The following ZNF491 variants were observed in gnomAD, a reference collection of about 807,000 sequenced individuals.
ZNF491 encodes the protein zinc finger protein 491.
In ZNF491, 22 loss-of-function variants were observed where a neutral mutation model predicts 34.7. The observed-to-expected ratio is 0.63, with a 90% CI of 0.45 to 0.90. The LOEUF is 0.90. Among genes scored for constraint, ZNF491 ranks in the 40% least tolerant of loss-of-function variants. The pLI is 0.00. For synonymous variants in ZNF491, 148 were observed against 174.3 expected (o/e 0.85, Z 1.19); for missense variants, 559 against 531.7 (o/e 1.05, Z -0.51).
Position 11,806,744 on chromosome 19 carries a change from T to C in ZNF491, c.791T>C (p.Met264Thr). 1 of 1,613,496 alleles carries C rather than the reference T, an allele frequency of 6.2e-7. No individual in the cohort carries two copies. The highest frequency in any genetic ancestry group is 8.5e-7 in the Non-Finnish European group (1 of 1,179,820). ...ATAAGCTTTCGAAGACACATGAGAATGCACACTGGAGAGAGGCCTCATAAA... is the reference window on the plus strand; with the variant it reads ...ATAAGCTTTCGAAGACACATGAGAACGCACACTGGAGAGAGGCCTCATAAA... ...RLISFRRHMR[M>T]HTGERPHKCK... Residue 264 changes from methionine (M) to threonine (T), a missense_variant, in exon 3 of 3, where the codon ATG becomes ACG. Physicochemically the swap from Met to Thr is moderately conservative, Grantham distance 81. Transcript: ENST00000323169.
intron 2 of ZNF491, 39 bp downstream of exon 2, chr19:11,804,706 A>G: frequency 9.2e-7 from 1 of 1,082,808 alleles, no homozygotes; most frequent in Non-Finnish European, 1.2e-6. Flanking sequence ...TGAATTGTAG[A>G]ACATATGTTT....
In ZNF491 at chr19:11,806,621, C is replaced by T. The variant is rs565505366; in HGVS notation, c.668C>T (p.Ala223Val). 5.8e-5 allele frequency: 94 copies of T among 1,613,960 alleles called. No homozygotes were observed. In the South Asian group the frequency reaches 8.2e-4, roughly 14 times the overall value. ...TACAAATGTAAGGAATGTGGGAAAG[C>T]CTTCAATTGTCCCAGTTCTTTTCAC... Reference protein sequence around the residue: ...KPYKCKECGKAFNCPSSFHRH... With the variant: ...KPYKCKECGKVFNCPSSFHRH... The change falls in exon 3 of 3, where the codon GCC becomes GTC. Residue 223 changes from alanine (A) to valine (V), a missense_variant. Transcript: ENST00000323169.
intron 1 of ZNF491, among the ~76,000 whole-genome samples, chr19:11,800,724 A>AT (rs1450305821): frequency 6.6e-6 from 1 of 152,040 alleles, no homozygotes; most frequent in African/African-American, 2.4e-5. Context: ...GAAAGAAAAC[A>AT]TTTTTTAAAA....
chr19:11,801,411 C>T (rs1312217953), intron 1 of ZNF491, among the ~76,000 whole-genome samples: 1 of 152,052 alleles, frequency 6.6e-6, no homozygotes, highest in East Asian at 1.9e-4. Context: ...AATCTCAGCA[C>T]TTTGGGAGGC....
chr19:11,802,517 T>A (rs760260381), intron 1 of ZNF491, among the ~76,000 whole-genome samples: 2 of 152,230 alleles, frequency 1.3e-5, no homozygotes, highest in Non-Finnish European at 2.9e-5. Flanking sequence ...TCACATTACC[T>A]TTTTGTTAAG....
chr19:11,805,404 C>A (rs180724354), intron 2 of ZNF491, among the ~76,000 whole-genome samples: 5 of 123,356 alleles, frequency 4.1e-5, no homozygotes, highest in African/African-American at 1.3e-4. Context: ...AGCAAAACTC[C>A]GTCTCAAAAA....
At chr19:11,800,661 C>G (rs1975549033) in intron 1 of ZNF491, among the ~76,000 whole-genome samples, 1 of 152,008 alleles carries the variant, frequency 6.6e-6, no homozygotes, top group Non-Finnish European at 1.5e-5. Flanking sequence ...GCTGGGATTA[C>G]AGGCATGTGC....
chr19:11,803,280 G>C (rs8103944), intron 1 of ZNF491, among the ~76,000 whole-genome samples: 47,301 of 151,988 alleles, frequency 0.31, 11,088 homozygotes, highest in African/African-American at 0.66. Context: ...ACCATACCTG[G>C]CCATAAATTT....
chr19:11,803,052 G>T (rs1172227577), intron 1 of ZNF491, among the ~76,000 whole-genome samples: 1 of 150,906 alleles, frequency 6.6e-6, no homozygotes, highest in Non-Finnish European at 1.5e-5. Context: ...CTCTCTCTTG[G>T]CTCACTGCAA....
At chr19:11,799,502 C>CTTT (rs34472985) in intron 1 of ZNF491, among the ~76,000 whole-genome samples, 130 of 109,080 alleles carry the variant, frequency 1.2e-3, no homozygotes, top group South Asian at 3.2e-3. Flanking sequence ...CCCCATAGAG[C>CTTT]TTTTTTTTTT....
Position 11,807,199 on chromosome 19 carries a change from T to C in ZNF491, c.1246T>C (p.Cys416Arg). Reference protein sequence around the residue: ...TGEKPYQCKECGKAFIRSSYC... With the variant: ...TGEKPYQCKERGKAFIRSSYC... ...AGAGAAACCTTACCAATGTAAGGAA[T>C]GTGGGAAAGCCTTCATTCGTTCCAG... The change falls in exon 3 of 3, where the codon TGT (cysteine) becomes CGT (arginine). Residue 416 changes from cysteine (C) to arginine (R), a missense_variant. Physicochemically the swap from Cys to Arg is radical, Grantham distance 180. Transcript: ENST00000323169. 3 of 1,594,354 alleles carry C rather than the reference T, an allele frequency of 1.9e-6. No homozygotes were observed. The highest frequency in any genetic ancestry group is 2.6e-6 in the Non-Finnish European group (3 of 1,172,408).
intron 1 of ZNF491, among the ~76,000 whole-genome samples, chr19:11,804,095 C>CAGG (rs1975582867): frequency 6.6e-6 from 1 of 151,016 alleles, no homozygotes; most frequent in South Asian, 2.1e-4. Flanking sequence ...CCCAGCTACT[C>CAGG]AGGAGGCTGA....
At chr19:11,800,114 G>A (rs1231118365) in intron 1 of ZNF491, among the ~76,000 whole-genome samples, 1 of 152,156 alleles carries the variant, frequency 6.6e-6, no homozygotes, top group African/African-American at 2.4e-5. Flanking sequence ...GGAAGAGATT[G>A]TCAAACGTAG....
chr19:11,804,133 G>C (rs1395979105), intron 1 of ZNF491, among the ~76,000 whole-genome samples: 1 of 150,482 alleles, frequency 6.6e-6, no homozygotes, highest in Non-Finnish European at 1.5e-5. Context: ...AACCCGGGAG[G>C]CAGAGGTTGC....
In ZNF491 at chr19:11,803,858, G is replaced by A. The variant is rs1004575910; in HGVS notation, c.-133-684G>A. Among the ~76,000 whole-genome samples, 4 of 152,128 alleles carry A rather than the reference G, an allele frequency of 2.6e-5. No individual in the cohort carries two copies. In the East Asian group the frequency reaches 7.7e-4, roughly 29 times the overall value. On this transcript the variant is annotated intron_variant, in intron 1 of 2. Coordinates refer to ENST00000323169, the MANE Select transcript of ZNF491 (RefSeq NM_152356.4). ...AAGTGAGTCACTAAGTCCAGCACAG[G>A]TCCAAGGGAGGAGGGCCAATTCAGC...
At position 11,807,082 on chromosome 19, in the gene ZNF491, C is replaced by CA; in HGVS notation, c.1130dup (p.His377GlnfsTer8). 1 of 1,609,020 alleles carries CA rather than the reference C, an allele frequency of 6.2e-7. No individual in the cohort carries two copies. Among genetic ancestry groups the CA allele is most frequent in the Non-Finnish European group, 8.5e-7 (1 of 1,178,286 alleles). On this transcript the variant is annotated frameshift_variant, in exon 3 of 3. Coordinates refer to ENST00000323169, the MANE Select transcript of ZNF491 (RefSeq NM_152356.4). LOFTEE classifies it high-confidence loss of function. The stretch of plus-strand genomic sequence containing the variant: ...CTCCTTTCATAGACATGAAAGGACT[C>CA]ACGCTGGAGAAAAACCTTATGAATG...
In ZNF491 at chr19:11,807,336, T is replaced by C. The variant is rs1045883634; in HGVS notation, c.*69T>C. The C allele has an allele frequency of 1.0e-5, 12 of 1,197,380 alleles. No individual in the cohort carries two copies. In the African/African-American group the frequency reaches 1.7e-4, roughly 17 times the overall value. 74.2% of individuals were successfully genotyped at this position (1,197,380 alleles called of 1,614,324 possible). On this transcript the variant is annotated 3_prime_UTR_variant, in exon 3 of 3. Transcript: ENST00000323169. ...CTCACTATCTTGTCCAGGTTGGTCT[T>C]GAACTCCTGGCCTCAAGCATCCCTC...
At chr19:11,800,470 A>G (rs942712900) in intron 1 of ZNF491, among the ~76,000 whole-genome samples, 2 of 152,020 alleles carry the variant, frequency 1.3e-5, no homozygotes, top group Non-Finnish European at 2.9e-5. Flanking sequence ...ACAAATGAAT[A>G]GCACTATTTA....
At chr19:11,803,476 A>C (rs554682670) in intron 1 of ZNF491, among the ~76,000 whole-genome samples, 1 of 152,258 alleles carries the variant, frequency 6.6e-6, no homozygotes, top group East Asian at 1.9e-4. Context: ...TTTTTCCACT[A>C]ATATCCTTTT....
Sources: gnomAD v4.1 joint callset for allele counts (sites outside exome capture counted in the v4.1 genomes callset) on GRCh38, gnomAD v4.1.1 for gene constraint, MANE v1.5 for transcripts, NCBI Gene and HGNC (gene_info 2026-07-23, HGNC 2026-07-21) for gene names.